Variants in LDLRAD4 observed in about 807,000 individuals in gnomAD.
LDLRAD4 encodes the protein low density lipoprotein receptor class A domain containing 4.
In LDLRAD4, 5 loss-of-function variants were observed where a neutral mutation model predicts 17.0. That is an observed-to-expected ratio of 0.29 (90% CI 0.15 to 0.62). The LOEUF is 0.62. Ranked by LOEUF, LDLRAD4 falls within the 20% of genes least tolerant of loss-of-function variation. The probability of loss-of-function intolerance (pLI) is 0.84; values close to 1 mark genes in which losing one functional copy is unlikely to be tolerated. For missense variants in LDLRAD4, 340 were observed against 424.7 expected, an observed-to-expected ratio of 0.80 and a Z score of 1.75; for synonymous variants, 168 against 171.8, an observed-to-expected ratio of 0.98 and a Z score of 0.17.
intron 3 of LDLRAD4, among the ~76,000 whole-genome samples, chr18:13,441,392 C>T (rs2091011979): frequency 6.6e-6 from 1 of 152,200 alleles, no homozygotes; most frequent in Non-Finnish European, 1.5e-5. Flanking sequence ...CAGAGTATCC[C>T]ACGAACTCTT....
intron 3 of LDLRAD4, among the ~76,000 whole-genome samples, chr18:13,548,096 C>G (rs1451734879): frequency 6.6e-6 from 1 of 152,172 alleles, no homozygotes; most frequent in African/African-American, 2.4e-5. Context: ...ATGCAGCTCT[C>G]AGCAGAGAGG....
chr18:13,356,028 G>A (rs1358281380), intron 1 of LDLRAD4, among the ~76,000 whole-genome samples: 1 of 152,272 alleles, frequency 6.6e-6, no homozygotes, highest in African/African-American at 2.4e-5. Flanking sequence ...GGATTGAGGA[G>A]TGTGGGATTG....
rs150888696 is a variant in LDLRAD4, at chr18:13,283,768, A to G, written c.-383+5580A>G. On this transcript the variant is annotated intron_variant, in intron 1 of 5. Transcript: ENST00000359446. ...GCAGTGCTCCACTCTACTGATACCAATTTACTGTGTTAGACCATATTCACC... is the reference window on the plus strand; with the variant it reads ...GCAGTGCTCCACTCTACTGATACCAGTTTACTGTGTTAGACCATATTCACC... Among the ~76,000 whole-genome samples, 755 of 152,266 alleles carry G rather than the reference A, an allele frequency of 5.0e-3. 5 individuals are homozygous for G. The highest frequency in any genetic ancestry group is 0.017 in the African/African-American group (726 of 41,534).
intron 4 of LDLRAD4, among the ~76,000 whole-genome samples, chr18:13,624,190 TGCTGAGCACTGCC>T (rs1232971830): frequency 1.8e-5 from 2 of 109,416 alleles, no homozygotes; most frequent in African/African-American, 5.7e-5. Flanking sequence ...ACCCACCAGG[TGCTGAGCACTGCC>T]GGACCCAGGG....
intron 3 of LDLRAD4, among the ~76,000 whole-genome samples, chr18:13,567,742 C>CT (rs1008450838): frequency 2.3e-4 from 23 of 99,914 alleles, no homozygotes; most frequent in African/African-American, 7.7e-4. Flanking sequence ...GCTATGAGAA[C>CT]TTTTTTTGTT....
chr18:13,593,582 C>T (rs1305776678), intron 3 of LDLRAD4, among the ~76,000 whole-genome samples: 2 of 152,070 alleles, frequency 1.3e-5, no homozygotes, highest in South Asian at 2.1e-4. Flanking sequence ...TCCGTCCGTC[C>T]GTCCATCCAT....
At chr18:13,509,243 G>A (rs2093740963) in intron 3 of LDLRAD4, among the ~76,000 whole-genome samples, 1 of 152,204 alleles carries the variant, frequency 6.6e-6, no homozygotes, top group Non-Finnish European at 1.5e-5. Flanking sequence ...ATGCCTAGGA[G>A]GTCGAGACTG....
chr18:13,243,759 CATCA>C (rs1282685393), intron 1 of LDLRAD4, among the ~76,000 whole-genome samples: 84 of 150,402 alleles, frequency 5.6e-4, no homozygotes, highest in Non-Finnish European at 1.0e-3. Context: ...CACATCCATC[CATCA>C]ATTTACCCAT....
At chr18:13,533,416 A>G (rs2094157013) in intron 3 of LDLRAD4, among the ~76,000 whole-genome samples, 1 of 152,220 alleles carries the variant, frequency 6.6e-6, no homozygotes. Context: ...TTTAAGGAGA[A>G]AGGGCTTAAT....
exon 6 of LDLRAD4, chr18:13,647,554 G>A (rs2043061748): frequency 6.6e-6 from 1 of 151,002 alleles, no homozygotes; most frequent in Admixed American, 6.6e-5. Flanking sequence ...TGTAACTGGA[G>A]AGACTGTTCC....
intron 1 of LDLRAD4, among the ~76,000 whole-genome samples, chr18:13,322,307 T>G (rs1329762897): frequency 1.4e-5 from 2 of 146,964 alleles, no homozygotes; most frequent in South Asian, 4.4e-4. Context: ...TTTTTTTTTT[T>G]TTTTGGTTTT....
At chr18:13,325,484 G>A (rs950728262) in intron 1 of LDLRAD4, among the ~76,000 whole-genome samples, 27 of 152,104 alleles carry the variant, frequency 1.8e-4, no homozygotes, top group African/African-American at 5.3e-4. Context: ...ACCTCCCCTC[G>A]CTGCCCGGCC....
intron 3 of LDLRAD4, among the ~76,000 whole-genome samples, chr18:13,503,134 TTAAAG>T (rs2093638896): frequency 1.3e-5 from 2 of 152,224 alleles, no homozygotes; most frequent in African/African-American, 4.8e-5. Context: ...GATAAAACGT[TTAAAG>T]TATGTACAAC....
chr18:13,515,731 C>G (rs73954840), intron 3 of LDLRAD4: 7 of 152,182 alleles, frequency 4.6e-5, no homozygotes, highest in African/African-American at 1.7e-4. Flanking sequence ...AATTATATTA[C>G]GATCACTACT....
intron 3 of LDLRAD4, among the ~76,000 whole-genome samples, chr18:13,582,928 G>T (rs1215381750): frequency 6.6e-6 from 1 of 152,112 alleles, no homozygotes; most frequent in Non-Finnish European, 1.5e-5. Context: ...TGTTGCCCAG[G>T]CTTGTCTCCA....
chr18:13,306,138 C>T (rs933710227), intron 1 of LDLRAD4, among the ~76,000 whole-genome samples: 1 of 152,012 alleles, frequency 6.6e-6, no homozygotes, highest in East Asian at 1.9e-4. Context: ...TGAAAGTGGT[C>T]TATTCTGGAA....
At chr18:13,221,779 T>G (rs2145327172) in intron 1 of LDLRAD4, among the ~76,000 whole-genome samples, 1 of 152,358 alleles carries the variant, frequency 6.6e-6, no homozygotes, top group Middle Eastern at 3.4e-3. Flanking sequence ...CTTTGGCCTT[T>G]TAAGCTGTTT....
At chr18:13,343,497 G>T (rs1270360775) in intron 1 of LDLRAD4, among the ~76,000 whole-genome samples, 3 of 152,052 alleles carry the variant, frequency 2.0e-5, no homozygotes, top group Non-Finnish European at 2.9e-5. Context: ...GGACATTTGG[G>T]TTGGTTCTAA....
chr18:13,645,102 C>G lies in LDLRAD4; in HGVS notation c.391-25C>G, dbSNP rs750075146. 2.5e-6 allele frequency: 4 copies of G among 1,578,120 alleles called. No individual in the cohort carries two copies. The highest frequency in any genetic ancestry group is 3.4e-6 in the Non-Finnish European group (4 of 1,160,924). On this transcript the variant is annotated intron_variant, in intron 5 of 5. Transcript: ENST00000359446. This position sits in a 1 kb window ranked among gnomAD's most constrained non-coding sequence, Gnocchi z 5.7. ...GTCATCATTGCGCTCAAACTGTCTT[C>G]AAGCCTCTCCTCTTTTCCTTCCAGA...
Sources: gnomAD v4.1 joint callset for allele counts (sites outside exome capture counted in the v4.1 genomes callset) on GRCh38, gnomAD v4.1.1 for gene constraint, Gnocchi (gnomAD v3.1) non-coding constraint, MANE v1.5 for transcripts, NCBI Gene and HGNC (gene_info 2026-07-23, HGNC 2026-07-21) for gene names.